The following KLF12 variants were observed in gnomAD, a reference collection of about 807,000 sequenced individuals.
The protein encoded by KLF12 is Krueppel-like factor 12.
Under a neutral mutation model 37.8 loss-of-function variants are expected in KLF12, and 9 were observed. The observed-to-expected ratio is 0.24, with a 90% CI of 0.14 to 0.42. The LOEUF (loss-of-function observed/expected upper bound fraction) is 0.42, where lower values mean the gene tolerates loss of function less well. KLF12 is among the 10% of genes least tolerant of loss of function. The pLI is 1.00. For missense variants in KLF12, 411 were observed against 516.0 expected (o/e 0.80, Z 1.97); for synonymous variants, 208 against 202.1 (o/e 1.03, Z -0.25).
rs570344863 is a variant in KLF12 at position 74,014,701 on chromosome 13, G to A, written c.-31-19648C>T. Among the ~76,000 whole-genome samples the A allele has an allele frequency of 8.5e-5, 13 of 152,160 alleles. No individual in the cohort carries two copies. The South Asian group carries it at 2.5e-3, about 29-fold the overall frequency. Reference sequence around the variant, plus strand: ...ATAACCTTCTATTTTCAGTGCCTTCGCAGTTCAATCCAAAAATTTTCTGCA... The same window carrying A: ...ATAACCTTCTATTTTCAGTGCCTTCACAGTTCAATCCAAAAATTTTCTGCA... On this transcript the variant is annotated intron_variant, in intron 1 of 7. Transcript: ENST00000377669.
intron 3 of KLF12, among the ~76,000 whole-genome samples, chr13:73,881,868 T>C (rs1003307140): frequency 2.0e-5 from 3 of 152,184 alleles, no homozygotes; most frequent in African/African-American, 7.2e-5. Context: ...AGAGTGTTAA[T>C]GGAGGAAGAA....
the KLF12 span, among the ~76,000 whole-genome samples, chr13:74,206,201 A>G: frequency 6.6e-6 from 1 of 152,066 alleles, no homozygotes; most frequent in Non-Finnish European, 1.5e-5. Context: ...GGCCCTTCTT[A>G]TTTTAGAATC....
intron 1 of KLF12, among the ~76,000 whole-genome samples, chr13:74,091,743 T>C (rs755427045): frequency 3.9e-5 from 6 of 152,148 alleles, no homozygotes; most frequent in African/African-American, 1.2e-4. Context: ...TTAGTGGTTA[T>C]GTATCATTGT....
At chr13:74,086,799 T>C (rs1034668020) in intron 1 of KLF12, among the ~76,000 whole-genome samples, 1 of 152,198 alleles carries the variant, frequency 6.6e-6, no homozygotes, top group Non-Finnish European at 1.5e-5. Flanking sequence ...AACAGTAGAT[T>C]AAAACATATT....
chr13:74,016,036 A>G (rs1441625715), intron 1 of KLF12, among the ~76,000 whole-genome samples: 1 of 152,196 alleles, frequency 6.6e-6, no homozygotes, highest in Non-Finnish European at 1.5e-5. Context: ...GTCTATTGGA[A>G]TAACTTTTCC....
chr13:73,823,731 A>C (rs1439098360), intron 4 of KLF12, among the ~76,000 whole-genome samples: 1 of 151,262 alleles, frequency 6.6e-6, no homozygotes, highest in African/African-American at 2.4e-5. Context: ...TTTTTTTGAG[A>C]GAGAGTTTCG....
At chr13:74,015,416 A>C (rs992611151) in intron 1 of KLF12, among the ~76,000 whole-genome samples, 63 of 152,182 alleles carry the variant, frequency 4.1e-4, no homozygotes, top group African/African-American at 1.4e-3. Flanking sequence ...AAACGAAATA[A>C]TGCGAGTGCT....
At chr13:74,141,515 T>G in the KLF12 span, among the ~76,000 whole-genome samples, 1 of 152,180 alleles carries the variant, frequency 6.6e-6, no homozygotes, top group Non-Finnish European at 1.5e-5. Flanking sequence ...TAATGCCAGT[T>G]AAAGATACAT....
At chr13:73,798,082 G>A (rs1033551045) in intron 5 of KLF12, among the ~76,000 whole-genome samples, 5 of 152,152 alleles carry the variant, frequency 3.3e-5, no homozygotes, top group South Asian at 2.1e-4. Flanking sequence ...ACCAGAAAGC[G>A]TGGGTAAAAA....
At chr13:73,740,742 G>A (rs111828705) in intron 6 of KLF12, among the ~76,000 whole-genome samples, 2,831 of 152,280 alleles carry the variant, frequency 0.019, 72 homozygotes, top group African/African-American at 0.061. Flanking sequence ...AGGAATCAGG[G>A]AAAGCATTCT....
At chr13:73,958,933 T>C (rs1393405165) in intron 2 of KLF12, among the ~76,000 whole-genome samples, 2 of 151,756 alleles carry the variant, frequency 1.3e-5, no homozygotes, top group African/African-American at 4.9e-5. Flanking sequence ...TGATCTCATC[T>C]GCTAGGCAGA....
chr13:74,260,857 G>A, the KLF12 span, among the ~76,000 whole-genome samples: 2 of 152,146 alleles, frequency 1.3e-5, no homozygotes, highest in African/African-American at 2.4e-5. Context: ...AGAATAAAAA[G>A]AAGCACAAGA....
chr13:74,188,605 C>G, the KLF12 span, among the ~76,000 whole-genome samples: 2 of 152,134 alleles, frequency 1.3e-5, no homozygotes, highest in African/African-American at 4.8e-5. Flanking sequence ...AATCCTGGCT[C>G]TACCATTTAT....
the KLF12 span, among the ~76,000 whole-genome samples, chr13:74,174,755 C>T: frequency 1.3e-5 from 2 of 152,222 alleles, no homozygotes; most frequent in African/African-American, 2.4e-5. Context: ...TCCATTTACG[C>T]ATTTGCTCAT....
At chr13:74,045,423 T>C in intron 1 of KLF12, among the ~76,000 whole-genome samples, 1 of 151,986 alleles carries the variant, frequency 6.6e-6, no homozygotes, top group East Asian at 1.9e-4. Flanking sequence ...ACTGCCAAGG[T>C]CATCGAACAC....
intron 2 of KLF12, among the ~76,000 whole-genome samples, chr13:73,972,867 C>T (rs1430596325): frequency 6.6e-6 from 1 of 151,406 alleles, no homozygotes; most frequent in Non-Finnish European, 1.5e-5. Flanking sequence ...GAGAAAAATA[C>T]AATAAAGAAC....
chr13:74,020,528 TC>T (rs1892815478), intron 1 of KLF12, among the ~76,000 whole-genome samples: 1 of 152,208 alleles, frequency 6.6e-6, no homozygotes, highest in African/African-American at 2.4e-5. Context: ...ACACATGTTT[TC>T]TGAGATTTAC....
At chr13:74,231,772 G>C in the KLF12 span, 42 of 152,106 alleles carry the variant, frequency 2.8e-4, 1 homozygote, top group Admixed American at 2.7e-3. Flanking sequence ...ATTCAATAGA[G>C]ACTCTCTTGC....
intron 3 of KLF12, among the ~76,000 whole-genome samples, chr13:73,890,780 C>A (rs1887469025): frequency 6.6e-6 from 1 of 151,992 alleles, no homozygotes; most frequent in Non-Finnish European, 1.5e-5. Context: ...TCTCTTTTAA[C>A]CCTATAAGGA....
Sources: allele counts gnomAD v4.1 joint callset (sites outside exome capture counted in the v4.1 genomes callset), GRCh38; gene constraint gnomAD v4.1.1; transcripts MANE v1.5; gene names NCBI Gene and HGNC (gene_info 2026-07-23, HGNC 2026-07-21).